Variants in DSCAM observed in about 807,000 individuals in gnomAD.
DSCAM encodes DS cell adhesion molecule.
A neutral mutation model predicts 217.7 loss-of-function variants in DSCAM; 47 were observed. The ratio of observed to expected loss-of-function variants is 0.22; its 90% CI spans 0.17 to 0.28. The LOEUF (loss-of-function observed/expected upper bound fraction) is 0.28. Among genes scored for constraint, DSCAM ranks in the 10% least tolerant of loss-of-function variants. The pLI, the probability that DSCAM is intolerant of heterozygous loss-of-function variation, is 1.00. For missense variants in DSCAM, 2,080 were observed against 2,618.3 expected, an observed-to-expected ratio of 0.79 and a Z score of 4.49; for synonymous variants, 1,056 against 1,015.3, an observed-to-expected ratio of 1.04 and a Z score of -0.76.
chr21:40,789,026 T>C (rs1046129881), intron 1 of DSCAM, among the ~76,000 whole-genome samples: 1 of 152,158 alleles, frequency 6.6e-6, no homozygotes, highest in Admixed American at 6.5e-5. Flanking sequence ...GCCTGGCGCA[T>C]AGTCGGTATT....
intron 3 of DSCAM, among the ~76,000 whole-genome samples, chr21:40,377,322 G>A (rs929469420): frequency 3.3e-5 from 5 of 152,076 alleles, no homozygotes; most frequent in Admixed American, 2.0e-4. Flanking sequence ...ATGCCCTCAC[G>A]CAAATCGCTC....
rs944234531 is a variant in DSCAM, at chr21:40,539,498, A to AAAAAAG, written c.508+153306_508+153311dup. 4.0e-5 allele frequency among the ~76,000 whole-genome samples: 6 copies of AAAAAAG among 151,466 alleles called. No homozygotes were observed. In the East Asian group the frequency reaches 5.8e-4, roughly 15 times the overall value. Reference sequence around the variant, plus strand: ...GCGACAGAGCGAGACTCCATCTCAAAAAAAAGAAAAAGAAAAAAAAAAGAA... The same window carrying AAAAAAG: ...GCGACAGAGCGAGACTCCATCTCAAAAAAAAGAAAAAGAAAAAGAAAAAAAAAAGAA... On this transcript the variant is annotated intron_variant, in intron 3 of 32. Transcript: ENST00000400454.
At chr21:40,038,133 A>C (rs1049880697) in intron 32 of DSCAM, among the ~76,000 whole-genome samples, 2 of 151,682 alleles carry the variant, frequency 1.3e-5, no homozygotes, top group Non-Finnish European at 2.9e-5. Flanking sequence ...TAAAACACCA[A>C]AAGCAAAGGC....
intron 3 of DSCAM, among the ~76,000 whole-genome samples, chr21:40,519,634 T>C (rs2076342691): frequency 6.6e-6 from 1 of 152,146 alleles, no homozygotes; most frequent in Non-Finnish European, 1.5e-5. Flanking sequence ...TTCTATTGTT[T>C]ACAAGCCACC....
chr21:40,067,838 T>C (rs2089234179), intron 27 of DSCAM, among the ~76,000 whole-genome samples: 1 of 150,302 alleles, frequency 6.7e-6, no homozygotes, highest in Non-Finnish European at 1.5e-5. Context: ...GCATTTCTCC[T>C]GGTACACATC....
intron 1 of DSCAM, among the ~76,000 whole-genome samples, chr21:40,798,169 C>T (rs1236158429): frequency 6.6e-6 from 1 of 151,920 alleles, no homozygotes; most frequent in Admixed American, 6.6e-5. Context: ...ACAGAATAAG[C>T]TAAGTGGTTA....
At position 40,708,788 on chromosome 21, in the gene DSCAM, C is replaced by T; in HGVS notation, c.44-17G>A. On this transcript the variant is annotated splice_polypyrimidine_tract_variant and intron_variant, in intron 1 of 32. Coordinates refer to ENST00000400454, the MANE Select transcript of DSCAM (RefSeq NM_001389.5). ...CACTGAAAACTGCAAGAAGACAACA[C>T]AGGGATCCATAGGTGAGTAAAACAT... The T allele has an allele frequency of 3.3e-6, 5 of 1,512,926 alleles. No individual in the cohort carries two copies. The highest frequency in any genetic ancestry group is 4.4e-6 in the Non-Finnish European group (5 of 1,123,618). The allele number at this position is 1,512,926 out of a possible 1,614,324, so 93.7% of individuals were successfully genotyped here.
intron 28 of DSCAM, among the ~76,000 whole-genome samples, chr21:40,056,552 A>G (rs1380193315): frequency 1.3e-5 from 2 of 152,220 alleles, no homozygotes; most frequent in Non-Finnish European, 2.9e-5. Context: ...GTTAAAAAAA[A>G]AACTCCACGT....
chr21:40,108,047 C>G (rs1265023369), intron 20 of DSCAM, among the ~76,000 whole-genome samples: 1 of 152,136 alleles, frequency 6.6e-6, no homozygotes, highest in Non-Finnish European at 1.5e-5. Flanking sequence ...AAACCCACAG[C>G]CAACATCATA....
chr21:40,110,140 C>T (rs955087967), intron 20 of DSCAM, among the ~76,000 whole-genome samples: 4 of 152,264 alleles, frequency 2.6e-5, no homozygotes, highest in East Asian at 1.9e-4. Flanking sequence ...CCCTGACCCC[C>T]GAGTAGCCTA....
intron 9 of DSCAM, among the ~76,000 whole-genome samples, chr21:40,296,991 G>C (rs61508018): frequency 0.11 from 16,792 of 152,074 alleles, 2,327 homozygotes; most frequent in African/African-American, 0.32. Flanking sequence ...CAGGCACCTC[G>C]TAAAGGCAAT....
In DSCAM at chr21:40,014,030, A is replaced by G. The variant is rs548043213; in HGVS notation, c.5687-644T>C. Among the ~76,000 whole-genome samples, 8 of 152,360 alleles carry G rather than the reference A, an allele frequency of 5.3e-5. No individual in the cohort carries two copies. The East Asian group carries it at 1.2e-3, about 22-fold the overall frequency. ...CTTAGACCAGAATTCTAGTGTTTCT[A>G]CTTCCTGCTTATGGTCACTCTGGCT... On this transcript the variant is annotated intron_variant, in intron 32 of 32. Transcript: ENST00000400454.
chr21:40,487,650 G>A (rs2076041333), intron 3 of DSCAM, among the ~76,000 whole-genome samples: 1 of 152,146 alleles, frequency 6.6e-6, no homozygotes, highest in Non-Finnish European at 1.5e-5. Flanking sequence ...AAGGGCTGAG[G>A]GTGAAGGCAA....
intron 1 of DSCAM, among the ~76,000 whole-genome samples, chr21:40,762,438 A>C (rs548031343): frequency 6.6e-6 from 1 of 152,362 alleles, no homozygotes; most frequent in South Asian, 2.1e-4. Context: ...TGAATAGACC[A>C]ATAACAAGTT....
intron 19 of DSCAM, among the ~76,000 whole-genome samples, chr21:40,132,460 TG>T (rs1238703915): frequency 2.0e-5 from 3 of 152,362 alleles, no homozygotes; most frequent in Admixed American, 1.3e-4. Flanking sequence ...GACTTCCTAA[TG>T]GCATTACATT....
intron 3 of DSCAM, among the ~76,000 whole-genome samples, chr21:40,592,439 C>T (rs190551805): frequency 9.2e-5 from 14 of 152,210 alleles, no homozygotes; most frequent in African/African-American, 3.4e-4. Flanking sequence ...ACAATGGCTT[C>T]CTGCTCCAAT....
chr21:40,528,898 C>CTTTTTTTTTTTTTTTT lies in DSCAM; in HGVS notation c.509-159669_509-159654dup, dbSNP rs911356584. Among the ~76,000 whole-genome samples, 104 of 99,380 alleles carry CTTTTTTTTTTTTTTTT rather than the reference C, an allele frequency of 1.0e-3. 11 individuals are homozygous for CTTTTTTTTTTTTTTTT. The highest frequency in any genetic ancestry group is 5.2e-3 in the East Asian group (15 of 2,876). 65.2% of individuals were successfully genotyped at this position (99,380 alleles called of 152,430 possible). On this transcript the variant is annotated intron_variant, in intron 3 of 32. Coordinates refer to ENST00000400454, the MANE Select transcript of DSCAM (RefSeq NM_001389.5). ...TCTTTGGCAATGTCCAGGCTTTCCA[C>CTTTTTTTTTTTTTTTT]TTTTTTTTTTTTTTTTTTTTTTTGA...
At chr21:40,663,768 C>A (rs951386734) in intron 3 of DSCAM, among the ~76,000 whole-genome samples, 14 of 152,150 alleles carry the variant, frequency 9.2e-5, no homozygotes, top group Non-Finnish European at 1.5e-5. Flanking sequence ...AGACTGACAG[C>A]AAGAGTGAGA....
intron 1 of DSCAM, among the ~76,000 whole-genome samples, chr21:40,720,031 A>G (rs2090885170): frequency 6.6e-6 from 1 of 152,260 alleles, no homozygotes; most frequent in South Asian, 2.1e-4. Flanking sequence ...TTAGAAACAA[A>G]AAGACATTTT....
Sources: gnomAD v4.1 joint callset for allele counts (sites outside exome capture counted in the v4.1 genomes callset) on GRCh38, gnomAD v4.1.1 for gene constraint, MANE v1.5 for transcripts, NCBI Gene and HGNC (gene_info 2026-07-23, HGNC 2026-07-21) for gene names.